Variants in HSPBP1 observed in about 807,000 individuals in gnomAD.
HSPBP1 encodes the protein HSPA (Hsp70) binding protein 1, also known as hsp70-binding protein 1.
Under a neutral mutation model 41.7 loss-of-function variants are expected in HSPBP1, and 31 were observed. That is an observed-to-expected ratio of 0.74 (90% confidence interval 0.56 to 1.00). The LOEUF is 1.00. Among genes scored for constraint, HSPBP1 ranks in the 50% least tolerant of loss-of-function variants. The pLI is 0.00. For missense variants in HSPBP1, 439 were observed against 487.9 expected (o/e 0.90, Z 0.94); for synonymous variants, 199 against 214.4 (o/e 0.93, Z 0.63).
At chr19:55,277,533 A>T in intron 3 of HSPBP1, 109 bp downstream of exon 3, 1 of 1,123,550 alleles carries the variant, frequency 8.9e-7, no homozygotes, top group Non-Finnish European at 1.3e-6. Context: ...TGATGGTGAG[A>T]AGGCAGCAGG....
chr19:55,274,647 G>A (rs763510516), intron 3 of HSPBP1, 25 bp from the exon 4 acceptor site: 3 of 1,582,874 alleles, frequency 1.9e-6, no homozygotes, highest in African/African-American at 1.3e-5. Context: ...GGAGCAGAGA[G>A]AGGCCAGATG....
chr19:55,269,026 A>C (rs1252968551), intron 4 of HSPBP1, among the ~76,000 whole-genome samples: 1 of 152,184 alleles, frequency 6.6e-6, no homozygotes, highest in Non-Finnish European at 1.5e-5. Flanking sequence ...ACTGGAAAAC[A>C]CAAAGACTCC....
rs2087831817 is a variant in HSPBP1, at chr19:55,268,019, C to G, written c.641-1733G>C. 6.6e-6 allele frequency among the ~76,000 whole-genome samples: 1 copy of G among 152,168 alleles called. No individual in the cohort carries two copies. The highest frequency in any genetic ancestry group is 2.4e-5 in the African/African-American group (1 of 41,446). On this transcript the variant is annotated intron_variant, in intron 4 of 7. Coordinates refer to ENST00000433386, the MANE Select transcript of HSPBP1 (RefSeq NM_012267.5). This position sits in a 1 kb window ranked among gnomAD's most constrained non-coding sequence, Gnocchi z 4.5. ...GACAGAAGCTGCTAGTAGCTTGTGGCCACTAAACACCTGATATGTGGCCAG... is the reference window on the plus strand; with the variant it reads ...GACAGAAGCTGCTAGTAGCTTGTGGGCACTAAACACCTGATATGTGGCCAG...
chr19:55,265,249 T>G, intron 7 of HSPBP1, 29 bp downstream of exon 7: 3 of 1,236,578 alleles, frequency 2.4e-6, no homozygotes, highest in Non-Finnish European at 2.2e-6. Flanking sequence ...CACCTGGTCC[T>G]CCTTGCACCC....
chr19:55,269,255 G>A (rs548517559), intron 4 of HSPBP1, among the ~76,000 whole-genome samples: 164 of 152,170 alleles, frequency 1.1e-3, no homozygotes, highest in African/African-American at 3.7e-3. Flanking sequence ...TCCCAGCTGC[G>A]ACAACTAAAA....
intron 6 of HSPBP1, 119 bp from the exon 7 acceptor site, chr19:55,265,508 T>C (rs996890713): frequency 2.2e-5 from 17 of 778,538 alleles, no homozygotes; most frequent in Non-Finnish European, 2.9e-5. Flanking sequence ...TGCCCCACAA[T>C]GGGCCTCCAT....
chr19:55,274,649 G>A (rs764591212), intron 3 of HSPBP1, 27 bp from the exon 4 acceptor site: 2 of 1,581,134 alleles, frequency 1.3e-6, no homozygotes, highest in African/African-American at 1.3e-5. Flanking sequence ...AGCAGAGAGA[G>A]GCCAGATGTT....
intron 7 of HSPBP1, among the ~76,000 whole-genome samples, chr19:55,264,947 G>A (rs2087732692): frequency 6.6e-6 from 1 of 151,900 alleles, no homozygotes; most frequent in Non-Finnish European, 1.5e-5. Flanking sequence ...TCTAACCTGG[G>A]GAATTCCTCA....
chr19:55,274,344 G>A (rs1326688310), intron 4 of HSPBP1, 54 bp downstream of exon 4: 41 of 295,206 alleles, frequency 1.4e-4, no homozygotes, highest in East Asian at 1.2e-3. Context: ...GGGCCCACCC[G>A]GCACCCCCCC....
chr19:55,277,030 C>G (rs1406304044), intron 3 of HSPBP1, among the ~76,000 whole-genome samples: 1 of 152,202 alleles, frequency 6.6e-6, no homozygotes, highest in African/African-American at 2.4e-5. Context: ...TCCACACCCT[C>G]AATTGCTACA....
Position 55,262,585 on chromosome 19 carries a change from AG to A in HSPBP1, c.*22del. The A allele has an allele frequency of 6.2e-7, 1 of 1,612,772 alleles. No homozygotes were observed. The highest frequency in any genetic ancestry group is 1.3e-5 in the African/African-American group (1 of 75,032). ...AAGAGGCCTGGGGTTCCCACGGAGAAGGGGGCAAGAAGCCACCTGGTTTCAC... is the reference window on the plus strand; with the variant it reads ...AAGAGGCCTGGGGTTCCCACGGAGAAGGGGCAAGAAGCCACCTGGTTTCAC... On this transcript the variant is annotated 3_prime_UTR_variant, in exon 8 of 8. Transcript: ENST00000433386.
In HSPBP1 at chr19:55,266,207, C is replaced by T. The variant is rs776692744; in HGVS notation, c.720G>A (p.Gln240=). The stretch of plus-strand genomic sequence containing the variant: ...TGACCTTGAGCTTCTGCACCTGCTG[C>T]TGCATGGCCCTCATCAACACAGAGA... ...DGFSVLMRAM[Q]QQVQKLKVKS... is the part of the protein sequence containing the mutation. The change falls in exon 5 of 8, where the codon CAG becomes CAA. Residue 240 remains glutamine, a synonymous_variant. Transcript: ENST00000433386. 6.3e-7 allele frequency: 1 copy of T among 1,583,898 alleles called. No individual in the cohort carries two copies.
intron 4 of HSPBP1, among the ~76,000 whole-genome samples, chr19:55,267,672 G>T (rs1038198164): frequency 1.3e-5 from 2 of 151,858 alleles, no homozygotes; most frequent in Non-Finnish European, 2.9e-5. Context: ...TGTTGGCCAG[G>T]CTGGTATTGA....
Position 55,265,957 on chromosome 19 carries a change from G to T in HSPBP1, c.822C>A (p.Val274=). The change falls in exon 6 of 8, where the codon GTC becomes GTA. Residue 274 remains valine, a synonymous_variant. Coordinates refer to ENST00000433386, the MANE Select transcript of HSPBP1 (RefSeq NM_012267.5). The part of the protein sequence containing the change: ...HKGTLCSMGM[V]QQLVALVRTE... Reference sequence around the variant, plus strand: ...TCCGCACCAGGGCCACCAGCTGCTGGACCATCCCCATGGAGCACAGGGTCC... The same window carrying T: ...TCCGCACCAGGGCCACCAGCTGCTGTACCATCCCCATGGAGCACAGGGTCC... 1 of 1,605,846 alleles carries T rather than the reference G, an allele frequency of 6.2e-7. No individual in the cohort carries two copies. Among genetic ancestry groups the T allele is most frequent in the Non-Finnish European group, 8.5e-7 (1 of 1,177,422 alleles).
At chr19:55,265,085 C>T (rs1260351473) in intron 7 of HSPBP1, among the ~76,000 whole-genome samples, 193 bp downstream of exon 7, 1 of 151,124 alleles carries the variant, frequency 6.6e-6, no homozygotes, top group Non-Finnish European at 1.5e-5. Context: ...CATCCCCTGC[C>T]CCTCACACCT....
Position 55,272,490 on chromosome 19 carries a change from C to T in HSPBP1, c.640+1908G>A, listed in dbSNP as rs552208508. ...TGCAGGGGCTGCGGGAGAGGACGGA[C>T]GCCGAGTGATTGCTTAACGGGTACA... On this transcript the variant is annotated intron_variant, in intron 4 of 7. Transcript: ENST00000433386. The surrounding 1 kb of genome is among the most constrained non-coding windows in gnomAD (Gnocchi z 4.2). 2.6e-4 allele frequency among the ~76,000 whole-genome samples: 40 copies of T among 152,236 alleles called. No individual in the cohort carries two copies. Among genetic ancestry groups the T allele is most frequent in the Admixed American group, 5.2e-4 (8 of 15,284 alleles).
chr19:55,278,502 C>G (rs1600156844), intron 2 of HSPBP1, among the ~76,000 whole-genome samples: 1 of 152,122 alleles, frequency 6.6e-6, no homozygotes, highest in Non-Finnish European at 1.5e-5. Context: ...TGCAAAACAA[C>G]TCTATGAGGT....
Position 55,277,751 on chromosome 19 carries a change from C to T in HSPBP1, c.306G>A (p.Gln102=). The T allele has an allele frequency of 6.2e-7, 1 of 1,607,644 alleles. No individual in the cohort carries two copies. Among genetic ancestry groups the T allele is most frequent in the Non-Finnish European group, 8.5e-7 (1 of 1,177,012 alleles). ...QMKSCLRVLS[Q]PMPPTAGEAE... ...CCTCCCCAGCAGTGGGGGGCATGGG[C>T]TGTGACAGCACTCGGAGGCAGCTCT... Residue 102 remains glutamine, a synonymous_variant, in exon 3 of 8, where the codon CAG becomes CAA. Coordinates refer to ENST00000433386, the MANE Select transcript of HSPBP1 (RefSeq NM_012267.5).
intron 1 of HSPBP1, 135 bp downstream of exon 1, chr19:55,279,900 T>G (rs1388242954): frequency 1.6e-5 from 9 of 545,832 alleles, no homozygotes; most frequent in East Asian, 1.1e-4. Context: ...CTTCCCCATC[T>G]CCACTGCGTG....
Sources: allele counts gnomAD v4.1 joint callset (sites outside exome capture counted in the v4.1 genomes callset), GRCh38; gene constraint gnomAD v4.1.1; non-coding constraint Gnocchi (gnomAD v3.1); transcripts MANE v1.5; gene names NCBI Gene and HGNC (gene_info 2026-07-23, HGNC 2026-07-21).